Variants in NUP98 observed in about 807,000 individuals in gnomAD.
NUP98 encodes nuclear pore complex protein Nup98-Nup96.
In NUP98, 26 loss-of-function variants were observed where a neutral mutation model predicts 191.9. The observed-to-expected ratio is 0.14, with a 90% CI of 0.10 to 0.19. NUP98 has a LOEUF of 0.19. NUP98 is among the 10% of genes least tolerant of loss of function. The probability of loss-of-function intolerance (pLI) is 1.00; values close to 1 mark genes in which losing one functional copy is unlikely to be tolerated. For synonymous variants in NUP98, 808 were observed against 778.4 expected (o/e 1.04, Z -0.63); for missense variants, 1,941 against 2,178.8 (o/e 0.89, Z 2.17).
chr11:3,763,053 T>C lies in NUP98; in HGVS notation c.949-14A>G. 6.2e-7 allele frequency: 1 copy of C among 1,611,728 alleles called. No homozygotes were observed. The highest frequency in any genetic ancestry group is 8.5e-7 in the Non-Finnish European group (1 of 1,179,160). ...TCCAAATAATCCCTGCAAAGAAGTTTATATAGATTAAAAGATATCCTGTAA... is the reference window on the plus strand; with the variant it reads ...TCCAAATAATCCCTGCAAAGAAGTTCATATAGATTAAAAGATATCCTGTAA... On this transcript the variant is annotated splice_polypyrimidine_tract_variant and intron_variant, in intron 8 of 32. Transcript: ENST00000324932.
At chr11:3,742,239 A>T (rs2080309732) in intron 12 of NUP98, among the ~76,000 whole-genome samples, 1 of 152,136 alleles carries the variant, frequency 6.6e-6, no homozygotes. Context: ...GGAAAATAGG[A>T]ATCAGAAACT....
intron 8 of NUP98, among the ~76,000 whole-genome samples, chr11:3,768,241 G>C (rs1004065146): frequency 1.3e-5 from 2 of 151,990 alleles, no homozygotes; most frequent in Non-Finnish European, 2.9e-5. Context: ...CAAACACGGT[G>C]AAACCCCATC....
At chr11:3,761,121 C>T (rs1463629375) in intron 9 of NUP98, among the ~76,000 whole-genome samples, 2 of 152,052 alleles carry the variant, frequency 1.3e-5, no homozygotes, top group African/African-American at 4.8e-5. Flanking sequence ...TGGTCAAATC[C>T]ATAGAGAGAA....
rs766096700 is a variant in NUP98, at chr11:3,686,088, T to C, written c.4561A>G (p.Thr1521Ala). ...CCTTCACACTGCGCTGAGAGATGGG[T>C]GTAGTTAAGAGCCCTCAGCACTTCC... ...LWEVLRALNY[T>A]HLSAQCEGVL... Residue 1521 changes from threonine (T) to alanine (A), a missense_variant, in exon 29 of 33, where the codon ACC becomes GCC. Thr to Ala is a moderately conservative substitution (Grantham distance 58). Coordinates refer to ENST00000324932, the MANE Select transcript of NUP98 (RefSeq NM_016320.5). 3 of 1,613,906 alleles carry C rather than the reference T, an allele frequency of 1.9e-6. No individual in the cohort carries two copies. In the African/African-American group the frequency reaches 4.0e-5, roughly 22 times the overall value.
At chr11:3,688,008 T>C (rs556276481) in intron 28 of NUP98, among the ~76,000 whole-genome samples, 1 of 152,226 alleles carries the variant, frequency 6.6e-6, no homozygotes, top group Admixed American at 6.5e-5. Flanking sequence ...ACAATGAGAA[T>C]TTCCAGTATG....
At chr11:3,786,766 A>C (rs770270265) in intron 1 of NUP98, among the ~76,000 whole-genome samples, 1 of 152,232 alleles carries the variant, frequency 6.6e-6, no homozygotes, top group Non-Finnish European at 1.5e-5. Context: ...TTCTACCCAG[A>C]AAAGTAGTGG....
At chr11:3,790,974 C>G (rs933822501) in intron 1 of NUP98, among the ~76,000 whole-genome samples, 1 of 151,436 alleles carries the variant, frequency 6.6e-6, no homozygotes, top group African/African-American at 2.4e-5. Context: ...CGGCTGACTG[C>G]AAGCTCTGCC....
In NUP98 at chr11:3,778,943, T is replaced by G; in HGVS notation, c.285A>C (p.Ala95=). The change falls in exon 4 of 33, where the codon GCA becomes GCC. Residue 95 remains alanine (A), a synonymous_variant. Transcript: ENST00000324932. ...ATGAGAAGAGACTGGTCCCTGTGCT[T>G]GCAGTTCCAAACAAGGTATTTGCTG... ...TGTANTLFGT[A]STGTSLFSSQ... The G allele has an allele frequency of 6.2e-7, 1 of 1,614,198 alleles. No homozygotes were observed. The highest frequency in any genetic ancestry group is 8.5e-7 in the Non-Finnish European group (1 of 1,180,046).
chr11:3,720,950 T>C, intron 16 of NUP98, 125 bp from the exon 17 acceptor site: 1 of 563,692 alleles, frequency 1.8e-6, no homozygotes, highest in South Asian at 2.1e-5. Context: ...CTACCAAACA[T>C]GATTCCTAGG....
Position 3,676,248 on chromosome 11 carries a change from G to C in NUP98, c.5314C>G (p.Arg1772Gly). ...GCATAGTCCTCAGGCATGGGAAGCC[G>C]GCCAATGTGGGGAGCCAAGAGGCGC... ...PLRLLAPHIG[R>G]LPMPEDYAMD... Residue 1772 changes from arginine (R) to glycine (G), a missense_variant, in exon 33 of 33, where the codon CGG becomes GGG. Physicochemically the swap from Arg to Gly is moderately radical, Grantham distance 125. This residue lies in a region of NUP98 where 1,030 missense variants were observed against 1,115.8 expected (regional missense o/e 0.92). Coordinates refer to ENST00000324932, the MANE Select transcript of NUP98 (RefSeq NM_016320.5). 6.2e-7 allele frequency: 1 copy of C among 1,614,164 alleles called. No homozygotes were observed.
chr11:3,742,100 G>A (rs1282580845), intron 12 of NUP98, among the ~76,000 whole-genome samples: 1 of 152,182 alleles, frequency 6.6e-6, no homozygotes, highest in East Asian at 1.9e-4. Context: ...AGAATAATCA[G>A]AGTCCACACT....
chr11:3,700,513 C>G (rs2078644884), intron 24 of NUP98, 97 bp downstream of exon 24: 1 of 765,028 alleles, frequency 1.3e-6, no homozygotes. Flanking sequence ...AGGCATTTAC[C>G]TACTAGACTG....
chr11:3,675,315 A>C lies in NUP98; in HGVS notation c.*844T>G, dbSNP rs1003250542. On this transcript the variant is annotated 3_prime_UTR_variant, in exon 33 of 33. Coordinates refer to ENST00000324932, the MANE Select transcript of NUP98 (RefSeq NM_016320.5). ...TTGTTTTTGCTTCTGGAAGGGGTAG[A>C]TGGAGGGTGGGAAATGCTTTGGAGC... 2 of 218,340 alleles carry C rather than the reference A, an allele frequency of 9.2e-6. No individual in the cohort carries two copies. The highest frequency in any genetic ancestry group is 4.5e-5 in the African/African-American group (2 of 44,472). 13.5% of individuals were successfully genotyped at this position (218,340 alleles called of 1,614,324 possible).
intron 8 of NUP98, among the ~76,000 whole-genome samples, chr11:3,767,737 T>C (rs1409439531): frequency 2.0e-5 from 3 of 152,048 alleles, no homozygotes; most frequent in Non-Finnish European, 2.9e-5. Context: ...CCCTAAAAAA[T>C]GTCCCTAGAA....
rs1203883343 is a variant in NUP98 at position 3,719,627 on chromosome 11, CAA to C, written c.2261-79_2261-78del. Reference sequence around the variant, plus strand: ...CTACTTTACAACTATAGTGATTAAACAATCACAAGGAGAAAGCAGTTTTAAGT... The same window carrying C: ...CTACTTTACAACTATAGTGATTAAACTCACAAGGAGAAAGCAGTTTTAAGT... On this transcript the variant is annotated intron_variant, in intron 17 of 32. Coordinates refer to ENST00000324932, the MANE Select transcript of NUP98 (RefSeq NM_016320.5). The C allele has an allele frequency of 2.8e-6, 3 of 1,073,968 alleles. No homozygotes were observed. In the African/African-American group the frequency reaches 5.0e-5, roughly 18 times the overall value. The allele number at this position is 1,073,968 out of a possible 1,614,324, so 66.5% of individuals were successfully genotyped here.
At chr11:3,679,824 AGTAAAAGCACAT>A in intron 30 of NUP98, 116 bp from the exon 31 acceptor site, 1 of 982,896 alleles carries the variant, frequency 1.0e-6, no homozygotes, top group Non-Finnish European at 1.5e-6. Context: ...GGACTTCAGA[AGTAAAAGCACAT>A]ACAGGCATAC....
At chr11:3,694,437 TA>T (rs148615330) in intron 26 of NUP98, among the ~76,000 whole-genome samples, 14,091 of 142,908 alleles carry the variant, frequency 0.099, 779 homozygotes, top group Non-Finnish European at 0.14. Flanking sequence ...ACAGTAGGTT[TA>T]AAAAAAAAAA....
At chr11:3,681,330 C>G (rs189720257) in intron 30 of NUP98, among the ~76,000 whole-genome samples, 1 of 152,180 alleles carries the variant, frequency 6.6e-6, no homozygotes, top group Non-Finnish European at 1.5e-5. Context: ...TACGAGCCAC[C>G]GTGCCTGGCC....
At chr11:3,728,571 T>TA (rs1326358289) in intron 14 of NUP98, among the ~76,000 whole-genome samples, 9 of 151,584 alleles carry the variant, frequency 5.9e-5, no homozygotes, top group East Asian at 3.9e-4. Flanking sequence ...CTGTCTCTAC[T>TA]AAAAAAAATA....
Sources: gnomAD v4.1 joint callset for allele counts (sites outside exome capture counted in the v4.1 genomes callset) on GRCh38, gnomAD v4.1.1 for gene constraint, gnomAD v4.1.1 regional missense constraint, MANE v1.5 for transcripts, NCBI Gene and HGNC (gene_info 2026-07-23, HGNC 2026-07-21) for gene names.